The following SATB1 variants were observed in gnomAD, a reference collection of about 807,000 sequenced individuals.
SATB1 encodes DNA-binding protein SATB1.
Under a neutral mutation model 86.9 loss-of-function variants are expected in SATB1, and 11 were observed. That is an observed-to-expected ratio of 0.13 (90% CI 0.08 to 0.21). SATB1 has a LOEUF of 0.21. SATB1 is among the 10% of genes least tolerant of loss of function. The pLI is 1.00. For missense variants in SATB1, 551 were observed against 937.6 expected, an observed-to-expected ratio of 0.59 and a Z score of 5.39; for synonymous variants, 357 against 357.2, an observed-to-expected ratio of 1.00 and a Z score of 0.01.
In SATB1 at chr3:18,352,049, C is replaced by T. The variant is rs756687485; in HGVS notation, c.1722G>A (p.Val574=). Residue 574 remains valine (V), a synonymous_variant, in exon 10 of 11, where the codon GTG becomes GTA. Transcript: ENST00000338745. The surrounding 1 kb of genome is among the most constrained non-coding windows in gnomAD (Gnocchi z 4.1). ...DAIYEQESNA[V]HHHGDRPPHI... Reference sequence around the variant, plus strand: ...GGGGCGGCCTGTCGCCATGGTGATGCACCGCGTTGCTCTCCTGTTCATAAA... The same window carrying T: ...GGGGCGGCCTGTCGCCATGGTGATGTACCGCGTTGCTCTCCTGTTCATAAA... The T allele has an allele frequency of 1.9e-6, 3 of 1,614,224 alleles. No homozygotes were observed. Among genetic ancestry groups the T allele is most frequent in the Non-Finnish European group, 1.7e-6 (2 of 1,180,040 alleles).
chr3:18,368,971 C>T (rs1424299131), intron 9 of SATB1, among the ~76,000 whole-genome samples: 3 of 152,138 alleles, frequency 2.0e-5, no homozygotes, highest in African/African-American at 7.2e-5. Context: ...CAGTTACCTA[C>T]TGTGCCTGCA....
intron 2 of SATB1, among the ~76,000 whole-genome samples, chr3:18,418,928 T>C (rs1327838645): frequency 6.6e-6 from 1 of 152,204 alleles, no homozygotes; most frequent in Non-Finnish European, 1.5e-5. Flanking sequence ...GAATTTACTG[T>C]ACTTTTAGTT....
At chr3:18,411,793 C>T (rs1421970340) in intron 5 of SATB1, among the ~76,000 whole-genome samples, 2 of 152,032 alleles carry the variant, frequency 1.3e-5, no homozygotes, top group African/African-American at 4.8e-5. Flanking sequence ...TAAAAAAACA[C>T]ATGGTACAAA....
chr3:18,407,065 G>C (rs1380310561), intron 5 of SATB1, among the ~76,000 whole-genome samples: 1 of 152,026 alleles, frequency 6.6e-6, no homozygotes, highest in African/African-American at 2.4e-5. Context: ...GCTACGATGG[G>C]CACATAAGGA....
chr3:18,391,159 G>A (rs2125108427), intron 7 of SATB1, among the ~76,000 whole-genome samples: 1 of 152,196 alleles, frequency 6.6e-6, no homozygotes, highest in South Asian at 2.1e-4. Flanking sequence ...AGGGTAATGT[G>A]TTAATATAGG....
chr3:18,384,949 A>G (rs1033849689), intron 8 of SATB1, among the ~76,000 whole-genome samples: 3 of 152,208 alleles, frequency 2.0e-5, no homozygotes, highest in African/African-American at 7.2e-5. Flanking sequence ...GTCTGTTCCT[A>G]TAGACATCAA....
At position 18,352,226 on chromosome 3, in the gene SATB1, G is replaced by C. The variant is rs1694401008; in HGVS notation, c.1576-31C>G. The stretch of plus-strand genomic sequence containing the variant: ...AGACAAGGGCATAATAGGTCAGTTT[G>C]TGCCTATGAGAGGGGCTGGCATTTT... On this transcript the variant is annotated intron_variant, in intron 9 of 10. Coordinates refer to ENST00000338745, the MANE Select transcript of SATB1 (RefSeq NM_002971.6). This position sits in a 1 kb window ranked among gnomAD's most constrained non-coding sequence, Gnocchi z 4.1. 2.5e-6 allele frequency: 4 copies of C among 1,598,964 alleles called. No homozygotes were observed. The highest frequency in any genetic ancestry group is 1.7e-5 in the Admixed American group (1 of 59,870).
chr3:18,417,177 T>A (rs1698160257), intron 2 of SATB1, 99 bp from the exon 3 acceptor site: 4 of 1,224,054 alleles, frequency 3.3e-6, no homozygotes, highest in Non-Finnish European at 4.7e-6. Context: ...AAATAAATAA[T>A]CACAAGAGAT....
At chr3:18,434,542 A>G (rs143811598) in intron 2 of SATB1, among the ~76,000 whole-genome samples, 1 of 152,046 alleles carries the variant, frequency 6.6e-6, no homozygotes, top group South Asian at 2.1e-4. Flanking sequence ...TAATACCCCT[A>G]CTATTAAGTA....
At chr3:18,442,618 A>G (rs1232969629), upstream of SATB1, among the ~76,000 whole-genome samples, 1 of 152,236 alleles carries the variant, frequency 6.6e-6, no homozygotes, top group Non-Finnish European at 1.5e-5. Context: ...CAAGTTAATT[A>G]AAGTATTTAT....
At chr3:18,365,951 T>A (rs1222212582) in intron 9 of SATB1, among the ~76,000 whole-genome samples, 2 of 152,232 alleles carry the variant, frequency 1.3e-5, no homozygotes, top group African/African-American at 4.8e-5. Flanking sequence ...TGGCATGGAC[T>A]AAGCTAGATT....
chr3:18,408,990 A>G (rs921546962), intron 5 of SATB1: 5 of 152,020 alleles, frequency 3.3e-5, no homozygotes, highest in African/African-American at 4.8e-5. Context: ...GGCAAAAAAA[A>G]GAAAGAGGAA....
At chr3:18,357,605 T>A (rs1311133586) in intron 9 of SATB1, among the ~76,000 whole-genome samples, 1 of 150,870 alleles carries the variant, frequency 6.6e-6, no homozygotes, top group East Asian at 1.9e-4. Flanking sequence ...CATATCAGTG[T>A]GTTCTACAAG....
chr3:18,408,734 A>C (rs1697678633), intron 5 of SATB1: 1 of 150,802 alleles, frequency 6.6e-6, no homozygotes, highest in East Asian at 2.0e-4. Flanking sequence ...CAAATCTGGC[A>C]TGAAATGAAG....
At chr3:18,425,339 T>TGGC (rs772437246), upstream of SATB1, 1,841 of 148,254 alleles carry the variant, frequency 0.012, 28 homozygotes, top group Non-Finnish European at 0.015. Flanking sequence ...AGCGAGAAAG[T>TGGC]GGCGGCGGCG....
intron 5 of SATB1, 62 bp downstream of exon 5, chr3:18,415,049 T>A (rs552387159): frequency 6.3e-7 from 1 of 1,590,294 alleles, no homozygotes; most frequent in African/African-American, 1.4e-5. Flanking sequence ...GGGAGCTCCA[T>A]CAAACCTCAA....
At chr3:18,387,329 T>C (rs1343797778) in intron 7 of SATB1, among the ~76,000 whole-genome samples, 1 of 152,208 alleles carries the variant, frequency 6.6e-6, no homozygotes, top group Non-Finnish European at 1.5e-5. Flanking sequence ...ATATATTAAC[T>C]AATTTTCAAC....
At position 18,420,923 on chromosome 3, in the gene SATB1, T is replaced by A. The variant is rs774535559; in HGVS notation, c.45A>T (p.Glu15Asp). The part of the protein sequence containing the change: ...NEATQGKEHS[E>D]MSNNVSDPKG... ...TCGGATCACTCACATTGTTAGACATTTCTGAATGTTCTTTCCCCTGAGTTG... is the reference window on the plus strand; with the variant it reads ...TCGGATCACTCACATTGTTAGACATATCTGAATGTTCTTTCCCCTGAGTTG... Residue 15 changes from glutamate (E) to aspartate (D), a missense_variant, in exon 2 of 11, where the codon GAA (glutamate) becomes GAT (aspartate). Coordinates refer to ENST00000338745, the MANE Select transcript of SATB1 (RefSeq NM_002971.6). The A allele has an allele frequency of 6.2e-7, 1 of 1,614,210 alleles. No individual in the cohort carries two copies. The highest frequency in any genetic ancestry group is 8.5e-7 in the Non-Finnish European group (1 of 1,180,044).
upstream of SATB1, among the ~76,000 whole-genome samples, chr3:18,429,783 AAC>A (rs1698829604): frequency 6.6e-6 from 1 of 152,222 alleles, no homozygotes; most frequent in Non-Finnish European, 1.5e-5. The surrounding 1 kb of genome is among the most constrained non-coding windows in gnomAD (Gnocchi z 4.1). Context: ...TTAATTAATT[AAC>A]AATTTGGGTA....
Sources: gnomAD v4.1 joint callset for allele counts (sites outside exome capture counted in the v4.1 genomes callset) on GRCh38, gnomAD v4.1.1 for gene constraint, Gnocchi (gnomAD v3.1) non-coding constraint, MANE v1.5 for transcripts, NCBI Gene and HGNC (gene_info 2026-07-23, HGNC 2026-07-21) for gene names.